RAB6B: variants seen among roughly 807,000 people sequenced by gnomAD.
The protein encoded by RAB6B is ras-related protein Rab-6B.
A neutral mutation model predicts 31.2 loss-of-function variants in RAB6B; 7 were observed. That is an observed-to-expected ratio of 0.22 (90% CI 0.13 to 0.42). The LOEUF (loss-of-function observed/expected upper bound fraction) is 0.42, where lower values mean the gene tolerates loss of function less well. Ranked by LOEUF, RAB6B falls within the 10% of genes least tolerant of loss-of-function variation. The pLI is 1.00. For synonymous variants in RAB6B, 105 were observed against 104.9 expected, an observed-to-expected ratio of 1.00 and a Z score of -0.01; for missense variants, 149 against 280.6, an observed-to-expected ratio of 0.53 and a Z score of 3.35.
At chr3:133,885,786 C>T (rs959529159) in intron 1 of RAB6B, 4 of 594,550 alleles carry the variant, frequency 6.7e-6, no homozygotes, top group African/African-American at 3.7e-5. Flanking sequence ...GTTCCTGAGG[C>T]CTCATTCTAA....
intron 2 of RAB6B, among the ~76,000 whole-genome samples, chr3:133,850,070 A>T (rs72976363): frequency 6.6e-6 from 1 of 152,180 alleles, no homozygotes; most frequent in Non-Finnish European, 1.5e-5. Context: ...AATTCTCCAT[A>T]TAAATGTTAC....
chr3:133,832,673 C>T (rs1442069022), intron 7 of RAB6B, among the ~76,000 whole-genome samples: 2 of 152,232 alleles, frequency 1.3e-5, no homozygotes, highest in Non-Finnish European at 2.9e-5. Context: ...CTGGTGGCCG[C>T]TCTAGCACCT....
At chr3:133,841,248 A>G (rs755760418) in intron 4 of RAB6B, 37 bp downstream of exon 4, 3 of 1,608,726 alleles carry the variant, frequency 1.9e-6, no homozygotes, top group South Asian at 1.1e-5. Flanking sequence ...TGGACCCCCT[A>G]TGAGCCACCC....
rs1935559444 is a variant in RAB6B at position 133,826,145 on chromosome 3, C to T, written c.*2643G>A. 1 of 152,248 alleles carries T rather than the reference C, an allele frequency of 6.6e-6. No individual in the cohort carries two copies. Among genetic ancestry groups the T allele is most frequent in the Non-Finnish European group, 1.5e-5 (1 of 68,078 alleles). 9.4% of individuals were successfully genotyped at this position (152,248 alleles called of 1,614,324 possible). On this transcript the variant is annotated 3_prime_UTR_variant, in exon 8 of 8. Transcript: ENST00000285208. ...AAACCGCACGTGCCGAAGGGAGCGC[C>T]ATGGAACCACTGAGATGGGAGGATG... is the stretch of plus-strand genomic sequence containing the variant.
At chr3:133,830,605 TGCAC>T (rs1935642088) in intron 7 of RAB6B, among the ~76,000 whole-genome samples, 2 of 152,084 alleles carry the variant, frequency 1.3e-5, no homozygotes, top group South Asian at 4.2e-4. Context: ...TGGGCCAGGG[TGCAC>T]GCATTAGTGG....
chr3:133,857,419 T>C (rs1362453633), intron 2 of RAB6B, among the ~76,000 whole-genome samples: 2 of 129,994 alleles, frequency 1.5e-5, no homozygotes, highest in African/African-American at 6.0e-5. Flanking sequence ...AGGCCTCTTT[T>C]TGAAGGGAAA....
intron 5 of RAB6B, among the ~76,000 whole-genome samples, chr3:133,838,846 C>T (rs1023728263): frequency 1.3e-5 from 2 of 152,162 alleles, no homozygotes; most frequent in African/African-American, 2.4e-5. Context: ...GGTCAAGGGA[C>T]GCTGCAGGAA....
At position 133,839,595 on chromosome 3, in the gene RAB6B, G is replaced by T. The variant is rs774364285; in HGVS notation, c.312C>A (p.Thr104=). 6.2e-7 allele frequency: 1 copy of T among 1,613,996 alleles called. No individual in the cohort carries two copies. Among genetic ancestry groups the T allele is most frequent in the Non-Finnish European group, 8.5e-7 (1 of 1,179,832 alleles). Residue 104 remains threonine (T), a synonymous_variant, in exon 5 of 8, where the codon ACC becomes ACA. Transcript: ENST00000285208. ...TCCTGACGTCGTCGATCCACTTAGA[G>T]GTCTGTTGGAAGGAGTTGAGATCTG... ...DITNLNSFQQ[T]SKWIDDVRTE...
intron 1 of RAB6B, among the ~76,000 whole-genome samples, chr3:133,868,469 CTG>C (rs1418687790): frequency 1.3e-5 from 2 of 152,260 alleles, no homozygotes; most frequent in Admixed American, 6.5e-5. Context: ...TCTGCGGGAG[CTG>C]TCCTCCTGCC....
At chr3:133,848,947 C>G (rs1206034288) in intron 2 of RAB6B, among the ~76,000 whole-genome samples, 4 of 152,146 alleles carry the variant, frequency 2.6e-5, no homozygotes, top group Non-Finnish European at 1.5e-5. Flanking sequence ...TTCAAGCTGG[C>G]CTATAATGCT....
intron 2 of RAB6B, among the ~76,000 whole-genome samples, chr3:133,842,599 G>T (rs1447454250): frequency 6.6e-6 from 1 of 152,124 alleles, no homozygotes; most frequent in Non-Finnish European, 1.5e-5. Context: ...AATATTTAAG[G>T]ATTTGGGGAA....
chr3:133,885,256 C>T (rs1936528860), intron 1 of RAB6B, among the ~76,000 whole-genome samples: 1 of 149,934 alleles, frequency 6.7e-6, no homozygotes, highest in African/African-American at 2.5e-5. Flanking sequence ...AACTCACACA[C>T]CCAATGACCA....
intron 1 of RAB6B, among the ~76,000 whole-genome samples, chr3:133,885,029 G>A (rs1045431370): frequency 9.9e-5 from 15 of 151,046 alleles, no homozygotes; most frequent in Non-Finnish European, 2.1e-4. Flanking sequence ...ACCAGAGGAT[G>A]GGGGGCTCAC....
chr3:133,893,864 G>A lies in RAB6B; in HGVS notation c.70+1533C>T, dbSNP rs1936670577. Among the ~76,000 whole-genome samples the A allele has an allele frequency of 2.0e-5, 3 of 152,098 alleles. No homozygotes were observed. The South Asian group carries it at 6.2e-4, about 32-fold the overall frequency. ...AAAATCCCTTCCAGACACAGGGTAT[G>A]GTCAGCTCTATGAAACTGGGATCTA... is the stretch of plus-strand genomic sequence containing the variant. On this transcript the variant is annotated intron_variant, in intron 1 of 7. Coordinates refer to ENST00000285208, the MANE Select transcript of RAB6B (RefSeq NM_016577.4).
Position 133,839,486 on chromosome 3 carries a change from C to T in RAB6B, c.401+20G>A, listed in dbSNP as rs1186998852. 3.1e-6 allele frequency: 5 copies of T among 1,587,928 alleles called. No individual in the cohort carries two copies. The highest frequency in any genetic ancestry group is 2.2e-5 in the East Asian group (1 of 44,774). On this transcript the variant is annotated intron_variant, in intron 5 of 7. Transcript: ENST00000285208. ...AGGAGTGGAGGGTGGCACCCTGCAC[C>T]TGTGTGCCCTTGCACCTACCTCTTA...
intron 5 of RAB6B, among the ~76,000 whole-genome samples, chr3:133,839,120 G>A (rs1012419724): frequency 1.3e-5 from 2 of 152,250 alleles, no homozygotes; most frequent in Admixed American, 6.5e-5. Flanking sequence ...ACGCACATTG[G>A]TGCAGACACT....
intron 2 of RAB6B, among the ~76,000 whole-genome samples, chr3:133,850,315 C>G (rs73861235): frequency 1.2e-3 from 177 of 152,132 alleles, no homozygotes; most frequent in African/African-American, 4.2e-3. Flanking sequence ...AATTACTAGT[C>G]ATATGAATAA....
chr3:133,830,519 C>T (rs1318716580), intron 7 of RAB6B, among the ~76,000 whole-genome samples: 1 of 152,206 alleles, frequency 6.6e-6, no homozygotes, highest in Admixed American at 6.5e-5. Flanking sequence ...GCTGTTCTTT[C>T]CTTCTAGAAG....
At chr3:133,853,722 T>C (rs1576399318) in intron 2 of RAB6B, among the ~76,000 whole-genome samples, 1 of 152,230 alleles carries the variant, frequency 6.6e-6, no homozygotes, top group East Asian at 1.9e-4. Flanking sequence ...ATGGCTTAGC[T>C]TCCCTGGCCC....
Sources: allele counts gnomAD v4.1 joint callset (sites outside exome capture counted in the v4.1 genomes callset), GRCh38; gene constraint gnomAD v4.1.1; transcripts MANE v1.5; gene names NCBI Gene and HGNC (gene_info 2026-07-23, HGNC 2026-07-21).